Variants in ZNF91 observed in about 807,000 individuals in gnomAD.
ZNF91 encodes the protein zinc finger protein 91 (HPF7, HTF10).
ZNF91 carries 7 observed loss-of-function variants against 12.6 expected under a neutral mutation model. The ratio of observed to expected loss-of-function variants is 0.55; its 90% CI spans 0.31 to 1.04. The LOEUF is 1.04. Among genes scored for constraint, ZNF91 ranks in the 50% least tolerant of loss-of-function variants. The probability of loss-of-function intolerance (pLI) is 0.05; values close to 1 mark genes in which losing one functional copy is unlikely to be tolerated. For synonymous variants in ZNF91, 453 were observed against 462.6 expected (o/e 0.98, Z 0.27); for missense variants, 1,217 against 1,385.4 (o/e 0.88, Z 1.93).
intron 1 of ZNF91, among the ~76,000 whole-genome samples, chr19:23,394,704 C>A (rs559810507): frequency 1.7e-4 from 26 of 151,854 alleles, no homozygotes; most frequent in African/African-American, 6.0e-4. Flanking sequence ...CTCCAGCCCG[C>A]GCGAGAGAGC....
chr19:23,348,832 T>C (rs1968296338), intron 3 of ZNF91, among the ~76,000 whole-genome samples: 1 of 152,118 alleles, frequency 6.6e-6, no homozygotes, highest in Admixed American at 6.5e-5. Flanking sequence ...AGGATAAATA[T>C]CACTGAATTC....
intron 3 of ZNF91, among the ~76,000 whole-genome samples, chr19:23,368,763 A>C (rs1969132820): frequency 1.3e-5 from 2 of 152,034 alleles, no homozygotes; most frequent in South Asian, 2.1e-4. Context: ...ACATGTGATA[A>C]GTGTGAATAT....
In ZNF91 at chr19:23,361,053, A is replaced by G. The variant is rs371056537; in HGVS notation, c.1926T>C (p.Ser642=). Residue 642 remains serine, a synonymous_variant, in exon 4 of 4, where the codon TCT becomes TCC. Coordinates refer to ENST00000300619, the MANE Select transcript of ZNF91 (RefSeq NM_003430.4). ...TTCTCTTATGTTTAGCAAGGGCTGA[A>G]GAATGGCTAAAAGCTTTGCCACATT... is the stretch of plus-strand genomic sequence containing the variant. ...CEECGKAFSH[S]SALAKHKRIH... The G allele has an allele frequency of 1.6e-5, 25 of 1,598,764 alleles. No individual in the cohort carries two copies. Among genetic ancestry groups the G allele is most frequent in the Non-Finnish European group, 2.0e-5 (23 of 1,170,550 alleles).
intron 1 of ZNF91, among the ~76,000 whole-genome samples, chr19:23,382,073 C>CA (rs1287389128): frequency 3.8e-5 from 5 of 132,476 alleles, no homozygotes; most frequent in African/African-American, 1.4e-4. Context: ...AAAAAAATGA[C>CA]AAAAGGTTTA....
Position 23,361,794 on chromosome 19 carries a change from T to G in ZNF91, c.1185A>C (p.Lys395Asn). The change falls in exon 4 of 4, where the codon AAA (lysine) becomes AAC (asparagine). Residue 395 changes from lysine to asparagine, a missense_variant. By Grantham distance (94) the Lys-to-Asn change is moderately conservative. Transcript: ENST00000300619. ...TCTCTCCAGCATGTATTATTTTATGTTTAGTAAGGGTTGAGAGTCGCTTAA... is the reference window on the plus strand; with the variant it reads ...TCTCTCCAGCATGTATTATTTTATGGTTAGTAAGGGTTGAGAGTCGCTTAA... ...KAFKRLSTLT[K>N]HKIIHAGEKL... The G allele has an allele frequency of 6.2e-7, 1 of 1,609,876 alleles. No individual in the cohort carries two copies. Among genetic ancestry groups the G allele is most frequent in the Non-Finnish European group, 8.5e-7 (1 of 1,176,992 alleles).
intron 1 of ZNF91, among the ~76,000 whole-genome samples, chr19:23,320,499 C>T (rs570743509): frequency 6.6e-6 from 1 of 152,264 alleles, no homozygotes; most frequent in East Asian, 1.9e-4. Context: ...GAAGGAGAAT[C>T]AGGAACCTTC....
chr19:23,376,891 T>C (rs1449167149), intron 1 of ZNF91, among the ~76,000 whole-genome samples: 2 of 151,948 alleles, frequency 1.3e-5, no homozygotes, highest in African/African-American at 4.8e-5. Flanking sequence ...CTCAGATGAG[T>C]TTTTCTGGAC....
At chr19:23,390,974 G>C (rs762256084) in intron 1 of ZNF91, among the ~76,000 whole-genome samples, 26 of 152,220 alleles carry the variant, frequency 1.7e-4, no homozygotes, top group Non-Finnish European at 3.2e-4. Context: ...ACACCCTTGT[G>C]CATGTGTCTT....
intron 1 of ZNF91, among the ~76,000 whole-genome samples, chr19:23,377,325 A>C (rs1217676197): frequency 6.6e-6 from 1 of 152,242 alleles, no homozygotes; most frequent in Non-Finnish European, 1.5e-5. Context: ...TATCTTCAGA[A>C]CATTAAACAG....
chr19:23,392,269 G>A (rs12985335), intron 1 of ZNF91, among the ~76,000 whole-genome samples: 28,477 of 151,394 alleles, frequency 0.19, 2,896 homozygotes, highest in Non-Finnish European at 0.21. Flanking sequence ...TGTGGCAAGC[G>A]CCTGTAATCC....
At chr19:23,317,583 C>T (rs1360174782) in intron 1 of ZNF91, among the ~76,000 whole-genome samples, 2 of 152,284 alleles carry the variant, frequency 1.3e-5, no homozygotes, top group Middle Eastern at 3.4e-3. Context: ...CTTGTATGCA[C>T]ATCCAGTTGA....
downstream of ZNF91, among the ~76,000 whole-genome samples, chr19:23,336,770 T>C (rs2145876817): frequency 6.6e-6 from 1 of 152,320 alleles, no homozygotes; most frequent in Non-Finnish European, 1.5e-5. Context: ...TTTATTTATT[T>C]ATTCATTTTT....
chr19:23,372,697 A>G (rs1160344888), intron 3 of ZNF91, among the ~76,000 whole-genome samples: 3 of 152,310 alleles, frequency 2.0e-5, no homozygotes, highest in Admixed American at 1.3e-4. Flanking sequence ...GAAGACACCC[A>G]TTTATAGCCA....
In ZNF91 at chr19:23,385,800, T is replaced by C. The variant is rs1969848606; in HGVS notation, c.30+9525A>G. On this transcript the variant is annotated intron_variant, in intron 1 of 3. Transcript: ENST00000300619. Reference sequence around the variant, plus strand: ...CTTTTCTGTTTTCACATTTGAATTTTACGGGTTTTGGAGATTTTCTTGTAG... The same window carrying C: ...CTTTTCTGTTTTCACATTTGAATTTCACGGGTTTTGGAGATTTTCTTGTAG... 2.6e-5 allele frequency among the ~76,000 whole-genome samples: 4 copies of C among 152,342 alleles called. No homozygotes were observed. The South Asian group carries it at 8.3e-4, about 32-fold the overall frequency.
At chr19:23,368,092 TAG>T (rs1969089311) in intron 3 of ZNF91, among the ~76,000 whole-genome samples, 1 of 151,994 alleles carries the variant, frequency 6.6e-6, no homozygotes, top group Non-Finnish European at 1.5e-5. Flanking sequence ...GTATTTTTAG[TAG>T]AGACAGGGTT....
chr19:23,360,853 G>C lies in ZNF91; in HGVS notation c.2126C>G (p.Ala709Gly), dbSNP rs748161789. Reference protein sequence around the residue: ...STLTKHKIIHAGEKLYKCEEC... With the variant: ...STLTKHKIIHGGEKLYKCEEC... ...TTCACATTTGTAGAGTTTCTCTCCA[G>C]CATGTATTATTTTATGTTTAGTAAG... is the stretch of plus-strand genomic sequence containing the variant. The change falls in exon 4 of 4, where the codon GCT (alanine) becomes GGT (glycine). Residue 709 changes from alanine to glycine, a missense_variant. Around this residue, in one of 2 missense-constraint regions of ZNF91, gnomAD observed 726 missense variants for 895.5 expected, o/e 0.81. Coordinates refer to ENST00000300619, the MANE Select transcript of ZNF91 (RefSeq NM_003430.4). 1.9e-6 allele frequency: 3 copies of C among 1,613,646 alleles called. No homozygotes were observed. The highest frequency in any genetic ancestry group is 2.7e-5 in the African/African-American group (2 of 74,888).
At chr19:23,322,744 A>T (rs1260939052) in intron 1 of ZNF91, among the ~76,000 whole-genome samples, 2 of 119,554 alleles carry the variant, frequency 1.7e-5, no homozygotes, top group Non-Finnish European at 3.4e-5. Context: ...CTTCCTCCCC[A>T]TTCATGTTCT....
intron 1 of ZNF91, among the ~76,000 whole-genome samples, chr19:23,323,505 CCTTT>C (rs1967757925): frequency 7.9e-6 from 1 of 125,986 alleles, no homozygotes; most frequent in Non-Finnish European, 1.6e-5. Flanking sequence ...TCCTCCTTTT[CCTTT>C]CTTCTCCTCT....
chr19:23,364,000 C>A (rs376288467), intron 3 of ZNF91, among the ~76,000 whole-genome samples: 3 of 152,006 alleles, frequency 2.0e-5, no homozygotes, highest in Non-Finnish European at 2.9e-5. Flanking sequence ...AAAAAAAAAT[C>A]TTTGAAGCTG....
Sources: allele counts gnomAD v4.1 joint callset (sites outside exome capture counted in the v4.1 genomes callset), GRCh38; gene constraint gnomAD v4.1.1; regional missense constraint gnomAD v4.1.1; transcripts MANE v1.5; gene names NCBI Gene and HGNC (gene_info 2026-07-23, HGNC 2026-07-21).